PPIE: variants seen among roughly 807,000 people sequenced by gnomAD.
The protein encoded by PPIE is peptidyl-prolyl cis-trans isomerase E.
PPIE carries 20 observed loss-of-function variants against 38.4 expected under a neutral mutation model. That is an observed-to-expected ratio of 0.52 (90% confidence interval 0.37 to 0.76). The LOEUF is 0.76. Among genes scored for constraint, PPIE ranks in the 30% least tolerant of loss-of-function variants. The pLI is 0.00. For synonymous variants in PPIE, 142 were observed against 135.7 expected (o/e 1.05, Z -0.32); for missense variants, 322 against 385.8 (o/e 0.83, Z 1.39).
intron 8 of PPIE, among the ~76,000 whole-genome samples, chr1:39,751,327 A>G (rs1353008865): frequency 1.3e-5 from 2 of 152,114 alleles, no homozygotes; most frequent in Non-Finnish European, 2.9e-5. Flanking sequence ...ACCTATACCA[A>G]TATCTGGCAG....
intron 3 of PPIE, 165 bp from the exon 4 acceptor site, chr1:39,741,730 C>G (rs896547715): frequency 9.2e-5 from 66 of 718,650 alleles, no homozygotes; most frequent in Middle Eastern, 4.9e-4. Context: ...GCACCACCAG[C>G]TCTAAAATCA....
chr1:39,742,677 A>G (rs1243417410), intron 4 of PPIE: 1 of 152,444 alleles, frequency 6.6e-6, no homozygotes, highest in Non-Finnish European at 1.5e-5. Context: ...ATTAATGGTA[A>G]GAAACTTGTT....
chr1:39,763,328 G>C, intron 9 of PPIE: 1 of 944,336 alleles, frequency 1.1e-6, no homozygotes, highest in Non-Finnish European at 1.6e-6. Context: ...AGGAACCCCC[G>C]GCAGAAAAGG....
In PPIE at chr1:39,741,924, A is replaced by G; in HGVS notation, c.201+3A>G. The G allele has an allele frequency of 6.2e-7, 1 of 1,614,202 alleles. No homozygotes were observed. On this transcript the variant is annotated splice_donor_region_variant and intron_variant, in intron 4 of 9. Transcript: ENST00000324379. ...CTGCAGCAGCTATCGACAACATGGTATGGCTGGGAATCTTAATTCTAACTA... is the reference window on the plus strand; with the variant it reads ...CTGCAGCAGCTATCGACAACATGGTGTGGCTGGGAATCTTAATTCTAACTA...
At position 39,745,449 on chromosome 1, in the gene PPIE, T is replaced by C. The variant is rs1267897840; in HGVS notation, c.459T>C (p.Ala153=). 6.2e-7 allele frequency: 1 copy of C among 1,614,278 alleles called. No homozygotes were observed. Among genetic ancestry groups the C allele is most frequent in the Non-Finnish European group, 8.5e-7 (1 of 1,180,048 alleles). ...ACATCAAGATTGGGAACAAGCCGGC[T>C]GGCCGCATCCAGATGCTCCTGCGTT... ...YMDIKIGNKP[A]GRIQMLLRSD... is the part of the protein sequence containing the mutation. Residue 153 remains alanine (A), a synonymous_variant, in exon 7 of 10, where the codon GCT becomes GCC. Coordinates refer to ENST00000324379, the MANE Select transcript of PPIE (RefSeq NM_006112.4).
downstream of PPIE, among the ~76,000 whole-genome samples, chr1:39,760,862 C>T (rs1400103178): frequency 1.3e-5 from 2 of 152,130 alleles, no homozygotes; most frequent in South Asian, 2.1e-4. Context: ...AGACTTCCTC[C>T]TGGGGATAAT....
chr1:39,743,988 T>C, intron 6 of PPIE, 64 bp downstream of exon 6: 1 of 1,123,848 alleles, frequency 8.9e-7, no homozygotes, highest in Non-Finnish European at 1.3e-6. Flanking sequence ...CTTTTTTTTT[T>C]AAGTTTTAAT....
intron 6 of PPIE, among the ~76,000 whole-genome samples, chr1:39,744,293 TC>T (rs1351755448): frequency 6.6e-6 from 1 of 152,182 alleles, no homozygotes; most frequent in African/African-American, 2.4e-5. Flanking sequence ...GTCGTGGTCT[TC>T]CTATTCCTGT....
intron 2 of PPIE, 114 bp downstream of exon 2, chr1:39,740,377 G>A: frequency 1.3e-6 from 1 of 778,478 alleles, no homozygotes; most frequent in East Asian, 2.8e-5. Context: ...ATACACTACA[G>A]GTAAGTTCAG....
downstream of PPIE, chr1:39,760,326 G>A (rs1032776187): frequency 4.2e-5 from 66 of 1,563,624 alleles, no homozygotes; most frequent in African/African-American, 8.1e-5. Flanking sequence ...GCAATGCCCC[G>A]GCCTGGGGTC....
At position 39,756,682 on chromosome 1, in the gene PPIE, ATT is replaced by A. The variant is rs1648308103; in HGVS notation, c.*3330_*3331del. 1.1e-6 allele frequency: 1 copy of A among 886,906 alleles called. No individual in the cohort carries two copies. Among genetic ancestry groups the A allele is most frequent in the Non-Finnish European group, 1.4e-6 (1 of 740,240 alleles). 54.9% of individuals were successfully genotyped at this position (886,906 alleles called of 1,614,324 possible). On this transcript the variant is annotated 3_prime_UTR_variant, in exon 10 of 10. Coordinates refer to ENST00000324379, the MANE Select transcript of PPIE (RefSeq NM_006112.4). Reference sequence around the variant, plus strand: ...ACATATATAGTACAGTGTGATCCCAATTTTGTAAAAATATCTGTAATATGTAA... The same window carrying A: ...ACATATATAGTACAGTGTGATCCCAATTGTAAAAATATCTGTAATATGTAA...
At position 39,753,501 on chromosome 1, in the gene PPIE, G is replaced by C; in HGVS notation, c.*146G>C. On this transcript the variant is annotated 3_prime_UTR_variant, in exon 10 of 10. Coordinates refer to ENST00000324379, the MANE Select transcript of PPIE (RefSeq NM_006112.4). ...TGCCCTTCCTCAGGGTCTGCTTGGA[G>C]CAGCTCCTCTGCAGGCACAGCCTGG... 6.9e-7 allele frequency: 1 copy of C among 1,450,964 alleles called. No homozygotes were observed. The highest frequency in any genetic ancestry group is 9.1e-7 in the Non-Finnish European group (1 of 1,104,726). 89.9% of individuals were successfully genotyped at this position (1,450,964 alleles called of 1,614,324 possible).
downstream of PPIE, chr1:39,757,590 T>C (rs1022520308): frequency 2.0e-5 from 3 of 152,280 alleles, no homozygotes; most frequent in Admixed American, 2.0e-4. Flanking sequence ...GTTGTATGCG[T>C]CCTCTCTTCC....
chr1:39,743,658 A>G (rs1293729771), intron 5 of PPIE, among the ~76,000 whole-genome samples, 166 bp from the exon 6 acceptor site: 3 of 152,188 alleles, frequency 2.0e-5, no homozygotes, highest in Admixed American at 6.5e-5. Context: ...GCTGGACTTC[A>G]GGGCCTACAT....
Position 39,743,938 on chromosome 1 carries a change from T to C in PPIE, c.384+14T>C. 1.3e-6 allele frequency: 2 copies of C among 1,589,414 alleles called. No individual in the cohort carries two copies. The highest frequency in any genetic ancestry group is 8.6e-7 in the Non-Finnish European group (1 of 1,160,908). ...GAGACCCAGGAGGTGAGAATGAAGC[T>C]CCTGCTTCCAGAGCACAGGCCGGCG... On this transcript the variant is annotated intron_variant, in intron 6 of 9. Transcript: ENST00000324379.
chr1:39,745,714 T>A, intron 7 of PPIE: 1 of 576,998 alleles, frequency 1.7e-6, no homozygotes, highest in Non-Finnish European at 2.9e-6. Flanking sequence ...AATCGTTTTT[T>A]AAAAATACAA....
intron 9 of PPIE, chr1:39,762,334 T>G (rs1345261623): frequency 2.8e-6 from 2 of 712,564 alleles, no homozygotes; most frequent in African/African-American, 3.6e-5. Context: ...CCACCGCACC[T>G]GATCAAGGCA....
At chr1:39,751,445 A>G (rs527277365) in intron 8 of PPIE, among the ~76,000 whole-genome samples, 2 of 152,070 alleles carry the variant, frequency 1.3e-5, no homozygotes, top group South Asian at 2.1e-4. Context: ...TGCAGCCTCA[A>G]CCTCTCCAGC....
intron 8 of PPIE, 114 bp downstream of exon 8, chr1:39,749,202 G>T (rs1013223667): frequency 1.8e-6 from 2 of 1,131,776 alleles, no homozygotes; most frequent in East Asian, 4.9e-5. Context: ...GTCTGGAGGA[G>T]ACCCAGCCAC....
Sources: allele counts gnomAD v4.1 joint callset (sites outside exome capture counted in the v4.1 genomes callset), GRCh38; gene constraint gnomAD v4.1.1; transcripts MANE v1.5; gene names NCBI Gene and HGNC (gene_info 2026-07-23, HGNC 2026-07-21).